SDK1: variants seen among roughly 807,000 people sequenced by gnomAD.
SDK1 encodes the protein protein sidekick-1.
In SDK1, 157 loss-of-function variants were observed where a neutral mutation model predicts 245.5. That is an observed-to-expected ratio of 0.64 (90% CI 0.56 to 0.73). SDK1 has a LOEUF of 0.73. Among genes scored for constraint, SDK1 ranks in the 30% least tolerant of loss-of-function variants. The pLI, the probability that SDK1 is intolerant of heterozygous loss-of-function variation, is 0.00. For synonymous variants in SDK1, 1,647 were observed against 1,278.5 expected (o/e 1.29, Z -6.15); for missense variants, 3,583 against 3,002.3 (o/e 1.19, Z -4.52).
At chr7:4,182,172 G>A (rs1782639446) in intron 35 of SDK1, among the ~76,000 whole-genome samples, 1 of 152,154 alleles carries the variant, frequency 6.6e-6, no homozygotes, top group Non-Finnish European at 1.5e-5. Flanking sequence ...GCTCACCTTG[G>A]CCTCCCAAAG....
At chr7:3,537,195 G>A (rs1334611667) in intron 1 of SDK1, among the ~76,000 whole-genome samples, 1 of 152,152 alleles carries the variant, frequency 6.6e-6, no homozygotes, top group Non-Finnish European at 1.5e-5. Flanking sequence ...AGTGTTTTCT[G>A]TTTGGAACAT....
chr7:3,986,619 G>T (rs546011994), intron 13 of SDK1, among the ~76,000 whole-genome samples: 1 of 152,324 alleles, frequency 6.6e-6, no homozygotes, highest in Admixed American at 6.5e-5. Flanking sequence ...CCAGCACTTT[G>T]GGAGGCCAAG....
At chr7:3,853,808 G>A (rs1780475363) in intron 5 of SDK1, among the ~76,000 whole-genome samples, 1 of 152,040 alleles carries the variant, frequency 6.6e-6, no homozygotes, top group Non-Finnish European at 1.5e-5. Context: ...GGCCAACATG[G>A]TGAAACCTCC....
intron 1 of SDK1, among the ~76,000 whole-genome samples, chr7:3,581,720 A>G (rs1363580554): frequency 6.6e-6 from 1 of 152,238 alleles, no homozygotes; most frequent in African/African-American, 2.4e-5. Context: ...AGCAGTATTC[A>G]CAATAGCAAA....
chr7:4,163,222 G>A (rs976948578), intron 32 of SDK1, among the ~76,000 whole-genome samples: 4 of 152,162 alleles, frequency 2.6e-5, no homozygotes, highest in African/African-American at 9.7e-5. Context: ...AGGTCAGCCT[G>A]GGAGTGCCTG....
At chr7:4,243,069 A>G (rs1786631551) in intron 43 of SDK1, among the ~76,000 whole-genome samples, 1 of 152,204 alleles carries the variant, frequency 6.6e-6, no homozygotes, top group African/African-American at 2.4e-5. Context: ...CTGCCGTGTA[A>G]TAGAAACATG....
intron 5 of SDK1, among the ~76,000 whole-genome samples, chr7:3,894,744 G>T (rs560957948): frequency 3.6e-4 from 54 of 149,448 alleles, no homozygotes; most frequent in African/African-American, 1.3e-3. Flanking sequence ...TGTCCCCCCG[G>T]TTGGAGTGCA....
chr7:3,802,811 C>G (rs1779139950), intron 4 of SDK1, among the ~76,000 whole-genome samples: 1 of 152,138 alleles, frequency 6.6e-6, no homozygotes, highest in Non-Finnish European at 1.5e-5. Flanking sequence ...TATTGTGATG[C>G]CGGATTCTGT....
chr7:4,009,423 C>T (rs1785759573), intron 14 of SDK1, among the ~76,000 whole-genome samples: 1 of 152,212 alleles, frequency 6.6e-6, no homozygotes. Flanking sequence ...CCATGAGCTG[C>T]ATGATACAAG....
intron 4 of SDK1, among the ~76,000 whole-genome samples, chr7:3,710,330 A>G (rs1785013223): frequency 6.6e-6 from 1 of 152,232 alleles, no homozygotes; most frequent in South Asian, 2.1e-4. Context: ...CACATACTGA[A>G]CACACACTTA....
chr7:3,560,540 G>T (rs78409646), intron 1 of SDK1, among the ~76,000 whole-genome samples: 299 of 152,100 alleles, frequency 2.0e-3, no homozygotes, highest in Non-Finnish European at 2.6e-3. Context: ...CCAATCTGCC[G>T]CCATTGTCTC....
Position 3,893,338 on chromosome 7 carries a change from G to T in SDK1, c.848-57585G>T, listed in dbSNP as rs1387997721. Among the ~76,000 whole-genome samples the T allele has an allele frequency of 3.9e-5, 6 of 152,236 alleles. No homozygotes were observed. The South Asian group carries it at 1.0e-3, about 26-fold the overall frequency. On this transcript the variant is annotated intron_variant, in intron 5 of 44. Coordinates refer to ENST00000404826, the MANE Select transcript of SDK1 (RefSeq NM_152744.4). ...TGTCTGCTCCTGGTCAGGATGGCCG[G>T]GGGGAGGATCCTTAATGCCCCCGCG...
Position 4,049,330 on chromosome 7 carries a change from A to G in SDK1, c.2603-18A>G, listed in dbSNP as rs759894614. 1.2e-6 allele frequency: 2 copies of G among 1,605,948 alleles called. No homozygotes were observed. The highest frequency in any genetic ancestry group is 8.5e-7 in the Non-Finnish European group (1 of 1,173,262). Reference sequence around the variant, plus strand: ...CCTGCCATTTGTTCTGCTGTCATCAATGACTGCCCTGCCACAGTGCCCACC... The same window carrying G: ...CCTGCCATTTGTTCTGCTGTCATCAGTGACTGCCCTGCCACAGTGCCCACC... On this transcript the variant is annotated intron_variant, in intron 17 of 44. Transcript: ENST00000404826.
chr7:3,422,512 G>T (rs1003697227), intron 1 of SDK1, among the ~76,000 whole-genome samples: 3 of 152,072 alleles, frequency 2.0e-5, no homozygotes, highest in African/African-American at 7.2e-5. Flanking sequence ...TCAAATTATT[G>T]CTGGGTGTGG....
At chr7:3,368,819 C>T (rs953834518) in intron 1 of SDK1, among the ~76,000 whole-genome samples, 9 of 152,138 alleles carry the variant, frequency 5.9e-5, no homozygotes, top group African/African-American at 2.2e-4. Flanking sequence ...GTATTAGGAA[C>T]TGAAGAAGAG....
At chr7:3,969,163 C>G in intron 10 of SDK1, 94 bp from the exon 11 acceptor site, 2 of 1,191,492 alleles carry the variant, frequency 1.7e-6, no homozygotes, top group Non-Finnish European at 2.3e-6. Context: ...GACACGGAGC[C>G]GAACCATATT....
chr7:3,559,386 G>A (rs1408414467), intron 1 of SDK1, among the ~76,000 whole-genome samples: 1 of 152,054 alleles, frequency 6.6e-6, no homozygotes, highest in African/African-American at 2.4e-5. Flanking sequence ...TGTGGACTCT[G>A]CTTGGATCCA....
chr7:3,305,921 T>C (rs1380605115), intron 1 of SDK1, among the ~76,000 whole-genome samples: 2 of 152,196 alleles, frequency 1.3e-5, no homozygotes, highest in Non-Finnish European at 2.9e-5. Context: ...ATCTTACCTA[T>C]GGGAAAACTG....
intron 38 of SDK1, among the ~76,000 whole-genome samples, chr7:4,212,104 T>C (rs527508436): frequency 1.9e-4 from 29 of 152,308 alleles, no homozygotes; most frequent in Admixed American, 1.8e-3. Flanking sequence ...CTGTAAAAAT[T>C]ATAGATTATT....
Sources: allele counts gnomAD v4.1 joint callset (sites outside exome capture counted in the v4.1 genomes callset), GRCh38; gene constraint gnomAD v4.1.1; transcripts MANE v1.5; gene names NCBI Gene and HGNC (gene_info 2026-07-23, HGNC 2026-07-21).